The following TIAM2 variants were observed in gnomAD, a reference collection of about 807,000 sequenced individuals.
TIAM2 encodes the protein rho guanine nucleotide exchange factor TIAM2.
A neutral mutation model predicts 152.9 loss-of-function variants in TIAM2; 80 were observed. The ratio of observed to expected loss-of-function variants is 0.52; its 90% CI spans 0.44 to 0.63. The LOEUF is 0.63. Among genes scored for constraint, TIAM2 ranks in the 30% least tolerant of loss-of-function variants. TIAM2 has a pLI of 0.00. For synonymous variants in TIAM2, 804 were observed against 838.0 expected (o/e 0.96, Z 0.70); for missense variants, 1,965 against 2,120.1 (o/e 0.93, Z 1.44).
At chr6:155,105,020 A>G (rs564207715) in intron 2 of TIAM2, among the ~76,000 whole-genome samples, 1 of 152,218 alleles carries the variant, frequency 6.6e-6, no homozygotes, top group East Asian at 1.9e-4. Context: ...GCAGTGGTGC[A>G]GTCATGGCTC....
At chr6:155,198,302 C>A (rs931716277) in intron 14 of TIAM2, among the ~76,000 whole-genome samples, 1 of 152,210 alleles carries the variant, frequency 6.6e-6, no homozygotes, top group African/African-American at 2.4e-5. Context: ...CAGCAGCCAG[C>A]ACAATTCTTG....
intron 2 of TIAM2, among the ~76,000 whole-genome samples, chr6:155,118,965 A>T (rs1355911664): frequency 2.6e-5 from 4 of 151,798 alleles, no homozygotes; most frequent in Non-Finnish European, 4.4e-5. Context: ...AAAAAAAAAA[A>T]ATCTTGTACT....
intron 17 of TIAM2, among the ~76,000 whole-genome samples, chr6:155,244,328 A>G (rs1369622884): frequency 6.6e-6 from 1 of 152,244 alleles, no homozygotes; most frequent in Non-Finnish European, 1.5e-5. Flanking sequence ...AGAGAGTGTG[A>G]TCAGAAATTC....
At chr6:155,010,968 C>T (rs913206211) in intron 1 of TIAM2, among the ~76,000 whole-genome samples, 2 of 151,194 alleles carry the variant, frequency 1.3e-5, no homozygotes, top group African/African-American at 2.4e-5. Flanking sequence ...CGCTTGAACC[C>T]GGGAGGCGGA....
At chr6:155,063,830 T>G (rs1450950776) in intron 1 of TIAM2, among the ~76,000 whole-genome samples, 1 of 149,740 alleles carries the variant, frequency 6.7e-6, no homozygotes, top group African/African-American at 2.5e-5. Flanking sequence ...ACTTGTGCAC[T>G]TTATCCCATG....
intron 5 of TIAM2, among the ~76,000 whole-genome samples, chr6:155,139,152 C>T (rs527977890): frequency 1.2e-4 from 18 of 152,308 alleles, no homozygotes; most frequent in East Asian, 7.7e-4. Context: ...GCAAATACTA[C>T]GTGTGCAATG....
chr6:155,072,903 G>T (rs1777872510), intron 1 of TIAM2, among the ~76,000 whole-genome samples: 1 of 152,152 alleles, frequency 6.6e-6, no homozygotes, highest in Non-Finnish European at 1.5e-5. Context: ...TCAAGAAGTT[G>T]CATCGAGGGT....
intron 1 of TIAM2, among the ~76,000 whole-genome samples, chr6:155,036,290 T>A (rs1238218349): frequency 6.6e-6 from 1 of 152,086 alleles, no homozygotes; most frequent in Non-Finnish European, 1.5e-5. Context: ...TCCAGCACTT[T>A]GGGAGGCCAA....
intron 1 of TIAM2, among the ~76,000 whole-genome samples, chr6:155,019,021 CAG>C (rs1776407511): frequency 1.3e-5 from 2 of 148,770 alleles, no homozygotes; most frequent in Non-Finnish European, 3.0e-5. Context: ...GCCTGGGTGA[CAG>C]AGTGAGACTC....
At chr6:155,077,884 C>T (rs1777991545) in intron 1 of TIAM2, among the ~76,000 whole-genome samples, 7 of 152,310 alleles carry the variant, frequency 4.6e-5, no homozygotes, top group Admixed American at 4.6e-4. Flanking sequence ...ATTCATGTGG[C>T]TGGCATTCTT....
intron 11 of TIAM2, 70 bp downstream of exon 11, chr6:155,179,213 ATTT>A: frequency 6.6e-7 from 1 of 1,506,212 alleles, no homozygotes; most frequent in Non-Finnish European, 9.1e-7. Context: ...GAAAAATGTC[ATTT>A]TTGGGGAAAA....
At chr6:155,011,686 C>A (rs1778491990) in intron 1 of TIAM2, among the ~76,000 whole-genome samples, 1 of 152,182 alleles carries the variant, frequency 6.6e-6, no homozygotes, top group Non-Finnish European at 1.5e-5. Context: ...TCTCACAATT[C>A]CATTTAATTA....
At position 155,068,543 on chromosome 6, in the gene TIAM2, C is replaced by T. The variant is rs1777757081; in HGVS notation, c.-208-21746C>T. Among the ~76,000 whole-genome samples, 2 of 151,938 alleles carry T rather than the reference C, an allele frequency of 1.3e-5. 1 individual carries two copies. Among genetic ancestry groups the T allele is most frequent in the South Asian group, 4.2e-4 (2 of 4,812 alleles). The stretch of plus-strand genomic sequence containing the variant: ...CTCCAGCTCACTGCAACCTCTGCCT[C>T]CTGGGTTCAAGCGATTCTTCTACCT... On this transcript the variant is annotated intron_variant, in intron 1 of 26. Coordinates refer to ENST00000682666, the MANE Select transcript of TIAM2 (RefSeq NM_012454.4).
At chr6:155,194,515 G>T (rs1350921184) in intron 14 of TIAM2, among the ~76,000 whole-genome samples, 4 of 152,198 alleles carry the variant, frequency 2.6e-5, no homozygotes, top group African/African-American at 9.7e-5. Context: ...GCACAGCATG[G>T]CAGGCAGTCC....
chr6:155,015,279 A>G (rs1449136263), intron 1 of TIAM2, among the ~76,000 whole-genome samples: 1 of 152,074 alleles, frequency 6.6e-6, no homozygotes, highest in Non-Finnish European at 1.5e-5. Context: ...TTGGGGGAAG[A>G]TTACATTTGG....
intron 2 of TIAM2, among the ~76,000 whole-genome samples, chr6:155,092,273 T>C (rs1364824339): frequency 6.6e-6 from 1 of 151,446 alleles, no homozygotes; most frequent in Non-Finnish European, 1.5e-5. Flanking sequence ...AATTTTTTAA[T>C]AATTTGTAGA....
intron 1 of TIAM2, among the ~76,000 whole-genome samples, chr6:154,996,532 A>G (rs1009403957): frequency 2.0e-5 from 3 of 152,134 alleles, no homozygotes; most frequent in Admixed American, 2.0e-4. Flanking sequence ...GATGCTGACC[A>G]CCTTATTTTA....
intron 4 of TIAM2, among the ~76,000 whole-genome samples, chr6:155,134,448 AT>A (rs1386905690): frequency 7.6e-6 from 1 of 132,190 alleles, no homozygotes; most frequent in Non-Finnish European, 1.6e-5. Context: ...ATGGTTAAAC[AT>A]TTAAAAGTTG....
intron 1 of TIAM2, among the ~76,000 whole-genome samples, chr6:155,057,028 T>C (rs1178251595): frequency 8.0e-6 from 1 of 125,010 alleles, no homozygotes; most frequent in African/African-American, 3.3e-5. Flanking sequence ...TTTTTTTTTT[T>C]TTTTTTTTTT....
Sources: gnomAD v4.1 joint callset for allele counts (sites outside exome capture counted in the v4.1 genomes callset) on GRCh38, gnomAD v4.1.1 for gene constraint, MANE v1.5 for transcripts, NCBI Gene and HGNC (gene_info 2026-07-23, HGNC 2026-07-21) for gene names.